BCL2L11: variants seen among roughly 807,000 people sequenced by gnomAD.
BCL2L11 encodes bcl-2-like protein 11.
A neutral mutation model predicts 20.6 loss-of-function variants in BCL2L11; 15 were observed. The ratio of observed to expected loss-of-function variants is 0.73; its 90% CI spans 0.49 to 1.12. The LOEUF is 1.12. BCL2L11 is among the 50% of genes most tolerant of loss of function. BCL2L11 has a pLI of 0.00. For synonymous variants in BCL2L11, 108 were observed against 92.8 expected (o/e 1.16, Z -0.94); for missense variants, 292 against 260.9 (o/e 1.12, Z -0.82).
chr2:111,130,604 C>G (rs533842470), intron 2 of BCL2L11, among the ~76,000 whole-genome samples: 54 of 152,280 alleles, frequency 3.5e-4, no homozygotes, highest in African/African-American at 1.2e-3. Context: ...ATTTCTTTTT[C>G]TTGCCCAGTT....
At chr2:111,140,564 AT>A (rs1354289411) in intron 2 of BCL2L11, among the ~76,000 whole-genome samples, 3 of 152,154 alleles carry the variant, frequency 2.0e-5, no homozygotes, top group Non-Finnish European at 2.9e-5. Flanking sequence ...CGATAACCTG[AT>A]TTGTTGAGTG....
Position 111,120,988 on chromosome 2 carries a change from C to CGCCGCCGCCGCCGCTGCCGCT in BCL2L11, c.-200_-199insTGCCGCTGCCGCCGCCGCCGC, listed in dbSNP as rs1558996626. 4 of 327,542 alleles carry CGCCGCCGCCGCCGCTGCCGCT rather than the reference C, an allele frequency of 1.2e-5. No homozygotes were observed. Among genetic ancestry groups the CGCCGCCGCCGCCGCTGCCGCT allele is most frequent in the African/African-American group, 7.4e-5 (3 of 40,474 alleles). The allele number at this position is 327,542 out of a possible 1,614,324, so 20.3% of individuals were successfully genotyped here. ...CCAGCGCCGCTGCCGCTGCCGCCGC[C>CGCCGCCGCCGCCGCTGCCGCT]GCCGCCGCCGCCGCCGCCGCCGCCG... is the stretch of plus-strand genomic sequence containing the variant. On this transcript the variant is annotated 5_prime_UTR_variant, in exon 1 of 4. Transcript: ENST00000393256.
chr2:111,155,265 C>T (rs1428630662), intron 3 of BCL2L11, among the ~76,000 whole-genome samples: 1 of 152,220 alleles, frequency 6.6e-6, no homozygotes, highest in Non-Finnish European at 1.5e-5. Flanking sequence ...GCAGCCTGCA[C>T]CTTCTCTTCC....
chr2:111,134,995 T>C (rs1017715761), intron 2 of BCL2L11, among the ~76,000 whole-genome samples: 3 of 152,220 alleles, frequency 2.0e-5, no homozygotes, highest in Admixed American at 6.5e-5. Context: ...TTTGGGTTTA[T>C]CCTTTTTGGG....
chr2:111,130,250 A>G (rs2073663039), intron 2 of BCL2L11: 1 of 282,722 alleles, frequency 3.5e-6, no homozygotes, highest in Non-Finnish European at 7.0e-6. Flanking sequence ...GATTACAGGC[A>G]CGTACCACCA....
chr2:111,136,871 C>T (rs919289991), intron 2 of BCL2L11, among the ~76,000 whole-genome samples: 12 of 152,154 alleles, frequency 7.9e-5, no homozygotes, highest in African/African-American at 2.9e-4. Flanking sequence ...GAAGTTACTT[C>T]TTCACTCCTT....
chr2:111,149,688 G>GT (rs2077011437), intron 2 of BCL2L11, among the ~76,000 whole-genome samples: 2 of 152,092 alleles, frequency 1.3e-5, no homozygotes, highest in African/African-American at 4.8e-5. Flanking sequence ...AAATTGTTAT[G>GT]TTATAATTAT....
At position 111,123,119 on chromosome 2, in the gene BCL2L11, G is replaced by C. The variant is rs182971667; in HGVS notation, c.-13-614G>C. 8.6e-5 allele frequency: 85 copies of C among 982,840 alleles called. No homozygotes were observed. In the African/African-American group the frequency reaches 1.4e-3, roughly 17 times the overall value. The allele number at this position is 982,840 out of a possible 1,614,324, so 60.9% of individuals were successfully genotyped here. ...CCTCAGAGAAGTTCTGTCTGATTCG[G>C]TGCGGCGTGCGGTACGGGAGCGGGA... On this transcript the variant is annotated intron_variant, in intron 1 of 3. Coordinates refer to ENST00000393256, the MANE Select transcript of BCL2L11 (RefSeq NM_138621.5).
At chr2:111,140,967 G>C (rs2075701041) in intron 2 of BCL2L11, among the ~76,000 whole-genome samples, 1 of 152,202 alleles carries the variant, frequency 6.6e-6, no homozygotes, top group Non-Finnish European at 1.5e-5. Flanking sequence ...GGCATACACT[G>C]TACAAGGTGT....
In BCL2L11 at chr2:111,122,808, C is replaced by T. The variant is rs1381031689; in HGVS notation, c.-13-925C>T. 9.1e-6 allele frequency: 9 copies of T among 985,272 alleles called. No individual in the cohort carries two copies. The Admixed American group carries it at 2.5e-4, about 27-fold the overall frequency. The allele number at this position is 985,272 out of a possible 1,614,324, so 61.0% of individuals were successfully genotyped here. On this transcript the variant is annotated intron_variant, in intron 1 of 3. Coordinates refer to ENST00000393256, the MANE Select transcript of BCL2L11 (RefSeq NM_138621.5). ...GAACCCGAGTCCCGGGCTTTGTCTC[C>T]TGCGCTGCTTTCGTGGTGACGGTCA...
Position 111,130,487 on chromosome 2 carries a change from C to T in BCL2L11, c.394+6348C>T, listed in dbSNP as rs138147491. Among the ~76,000 whole-genome samples, 6 of 152,326 alleles carry T rather than the reference C, an allele frequency of 3.9e-5. 1 individual carries two copies. The highest frequency in any genetic ancestry group is 1.4e-4 in the African/African-American group (6 of 41,586). Reference sequence around the variant, plus strand: ...TGTTGGTCTTCTGTTGTGCAGTTTGCTGAACTCCTTAATTCTAAGAGTTTT... The same window carrying T: ...TGTTGGTCTTCTGTTGTGCAGTTTGTTGAACTCCTTAATTCTAAGAGTTTT... On this transcript the variant is annotated intron_variant, in intron 2 of 3. Transcript: ENST00000393256.
At chr2:111,127,205 G>A (rs1308743249) in intron 2 of BCL2L11, among the ~76,000 whole-genome samples, 1 of 152,074 alleles carries the variant, frequency 6.6e-6, no homozygotes, top group Non-Finnish European at 1.5e-5. Flanking sequence ...GGTTTACTGA[G>A]TGCCTTTTTG....
At chr2:111,138,161 A>G (rs2075248504) in intron 2 of BCL2L11, among the ~76,000 whole-genome samples, 1 of 151,830 alleles carries the variant, frequency 6.6e-6, no homozygotes, top group East Asian at 1.9e-4. Context: ...GGCACCCACC[A>G]CGACGCCTGG....
chr2:111,146,354 T>TA (rs1383014916), intron 2 of BCL2L11: 2 of 581,742 alleles, frequency 3.4e-6, no homozygotes, highest in Non-Finnish European at 4.3e-6. Context: ...GCTTGGTTCT[T>TA]ACTTTTCTTA....
In BCL2L11 at chr2:111,126,311, TC is replaced by T. The variant is rs754313730; in HGVS notation, c.394+2173del. Among the ~76,000 whole-genome samples, 51 of 152,294 alleles carry T rather than the reference TC, an allele frequency of 3.3e-4. No individual in the cohort carries two copies. In the Middle Eastern group the frequency reaches 0.014, roughly 41 times the overall value. On this transcript the variant is annotated intron_variant, in intron 2 of 3. Coordinates refer to ENST00000393256, the MANE Select transcript of BCL2L11 (RefSeq NM_138621.5). ...ATATACAGGGCTTCAAAGATCATAA[TC>T]TAAATAATTATGCACAGCTAATGGT...
Position 111,164,195 on chromosome 2 carries a change from ACGT to A in BCL2L11, c.562_564del (p.Arg188del). ...CACGAATGGTTATCTTACGACTGTTACGTTACATTGTCCGCCTGGTGTGGAGAA... is the reference window on the plus strand; with the variant it reads ...CACGAATGGTTATCTTACGACTGTTATACATTGTCCGCCTGGTGTGGAGAA... On this transcript the variant is annotated inframe_deletion, in exon 4 of 4. Transcript: ENST00000393256. 6.2e-7 allele frequency: 1 copy of A among 1,612,500 alleles called. No homozygotes were observed. Among genetic ancestry groups the A allele is most frequent in the Non-Finnish European group, 8.5e-7 (1 of 1,178,776 alleles).
chr2:111,123,196 A>T, intron 1 of BCL2L11: 8 of 985,464 alleles, frequency 8.1e-6, no homozygotes, highest in Non-Finnish European at 9.6e-6. Flanking sequence ...GCCGCGCTGG[A>T]GTTACAAACT....
At chr2:111,137,254 C>A (rs2075059145) in intron 2 of BCL2L11, among the ~76,000 whole-genome samples, 1 of 152,210 alleles carries the variant, frequency 6.6e-6, no homozygotes, top group Admixed American at 6.5e-5. Flanking sequence ...GGCCCAGTCT[C>A]CACACACCTC....
intron 1 of BCL2L11, among the ~76,000 whole-genome samples, chr2:111,121,754 C>T (rs557534602): frequency 1.1e-4 from 16 of 152,342 alleles, no homozygotes; most frequent in African/African-American, 3.8e-4. Flanking sequence ...GCTGCGTTCG[C>T]TTTCTCAAGC....
Sources: allele counts gnomAD v4.1 joint callset (sites outside exome capture counted in the v4.1 genomes callset), GRCh38; gene constraint gnomAD v4.1.1; transcripts MANE v1.5; gene names NCBI Gene and HGNC (gene_info 2026-07-23, HGNC 2026-07-21).